Variants in VPS8 observed in about 807,000 individuals in gnomAD.
VPS8 encodes the protein vacuolar protein sorting-associated protein 8 homolog.
Under a neutral mutation model 216.4 loss-of-function variants are expected in VPS8, and 129 were observed. The observed-to-expected ratio is 0.60, with a 90% CI of 0.52 to 0.69. The LOEUF is 0.69. Ranked by LOEUF, VPS8 falls within the 30% of genes least tolerant of loss-of-function variation. The pLI is 0.00. For synonymous variants in VPS8, 571 were observed against 565.4 expected (o/e 1.01, Z -0.14); for missense variants, 1,531 against 1,683.5 (o/e 0.91, Z 1.59).
chr3:184,902,328 T>C (rs980924148), intron 25 of VPS8, among the ~76,000 whole-genome samples: 3 of 150,670 alleles, frequency 2.0e-5, no homozygotes, highest in African/African-American at 7.3e-5. Flanking sequence ...ATATAAAAAT[T>C]AGCCGGGTGT....
At chr3:184,985,740 C>T (rs986071596) in intron 42 of VPS8, among the ~76,000 whole-genome samples, 2 of 152,178 alleles carry the variant, frequency 1.3e-5, no homozygotes, top group African/African-American at 4.8e-5. Context: ...CTATAAGTCT[C>T]TCGTTAAGTC....
At chr3:184,837,272 A>G (rs939593785) in intron 5 of VPS8, among the ~76,000 whole-genome samples, 1 of 152,224 alleles carries the variant, frequency 6.6e-6, no homozygotes, top group African/African-American at 2.4e-5. Flanking sequence ...TCTATTTTGA[A>G]TATAGAACAG....
At chr3:184,882,307 T>C (rs1305927696) in intron 21 of VPS8, 1 of 436,872 alleles carries the variant, frequency 2.3e-6, no homozygotes, top group Admixed American at 2.6e-5. Context: ...TCAGTTGCTT[T>C]TTCTATGTAA....
intron 1 of VPS8, among the ~76,000 whole-genome samples, chr3:184,818,790 C>T (rs1349257828): frequency 2.6e-5 from 4 of 152,050 alleles, no homozygotes; most frequent in African/African-American, 9.7e-5. Flanking sequence ...TCTCATATGA[C>T]ACTTTTAGGA....
intron 46 of VPS8, among the ~76,000 whole-genome samples, chr3:185,040,969 A>G (rs1469583238): frequency 1.3e-5 from 2 of 152,160 alleles, no homozygotes; most frequent in Non-Finnish European, 2.9e-5. Context: ...TTGGGAGGCC[A>G]AGGCGGGCAG....
intron 44 of VPS8, among the ~76,000 whole-genome samples, chr3:184,998,981 A>C (rs1238946212): frequency 3.9e-5 from 6 of 151,948 alleles, no homozygotes; most frequent in Non-Finnish European, 8.8e-5. Context: ...TCCCAGGTTC[A>C]AGCGATTCTC....
chr3:184,851,663 A>G (rs979278531), intron 10 of VPS8, among the ~76,000 whole-genome samples: 1 of 152,146 alleles, frequency 6.6e-6, no homozygotes, highest in Non-Finnish European at 1.5e-5. Flanking sequence ...CGAGGCTGTA[A>G]GAGCAAAGTT....
At chr3:184,916,552 G>A (rs972229717) in intron 28 of VPS8, among the ~76,000 whole-genome samples, 5 of 151,964 alleles carry the variant, frequency 3.3e-5, no homozygotes, top group Admixed American at 1.3e-4. Context: ...TTTTAAAAAG[G>A]TAAGTACTCA....
At chr3:184,899,291 C>T (rs1233514374) in intron 24 of VPS8, among the ~76,000 whole-genome samples, 1 of 152,174 alleles carries the variant, frequency 6.6e-6, no homozygotes, top group African/African-American at 2.4e-5. Flanking sequence ...ATGTAGTGCC[C>T]TCCTAGCCCA....
chr3:184,941,949 A>T (rs1334192523), intron 36 of VPS8, among the ~76,000 whole-genome samples: 1 of 151,940 alleles, frequency 6.6e-6, no homozygotes, highest in Non-Finnish European at 1.5e-5. Context: ...TCTGTCAAAG[A>T]CCTAGTGTTC....
intron 1 of VPS8, among the ~76,000 whole-genome samples, chr3:184,821,579 G>A (rs1387027110): frequency 6.6e-6 from 1 of 151,946 alleles, no homozygotes; most frequent in Non-Finnish European, 1.5e-5. Flanking sequence ...TTGAACTCCT[G>A]AGCTCAGGAA....
intron 46 of VPS8, among the ~76,000 whole-genome samples, chr3:185,047,681 A>G (rs960455732): frequency 6.6e-6 from 1 of 152,174 alleles, no homozygotes; most frequent in African/African-American, 2.4e-5. Context: ...CTTTAAATAT[A>G]TATCTCATTT....
rs144262713 is a variant in VPS8, at chr3:184,886,211, T to C, written c.1781+55T>C. On this transcript the variant is annotated intron_variant, in intron 22 of 47. Coordinates refer to ENST00000625842, the MANE Select transcript of VPS8 (RefSeq NM_001009921.3). The stretch of plus-strand genomic sequence containing the variant: ...TATTTTGAACCCAGGTAGCCTCTTA[T>C]GTATAAGCCATTGCTAAGAATTCTA... 3.2e-4 allele frequency: 484 copies of C among 1,498,192 alleles called. No individual in the cohort carries two copies. The African/African-American group carries it at 5.6e-3, about 17-fold the overall frequency. 92.8% of individuals were successfully genotyped at this position (1,498,192 alleles called of 1,614,324 possible).
chr3:185,052,193 C>G lies in VPS8; in HGVS notation c.*168C>G. On this transcript the variant is annotated 3_prime_UTR_variant, in exon 48 of 48. Transcript: ENST00000625842. ...TCCACAGCACCATTCCCAGTGTAGA[C>G]TCCCAGTCTTCTCCACATTGCTGTC... 1.6e-6 allele frequency: 1 copy of G among 628,500 alleles called. No homozygotes were observed. The highest frequency in any genetic ancestry group is 2.4e-5 in the South Asian group (1 of 41,534). 38.9% of individuals were successfully genotyped at this position (628,500 alleles called of 1,614,324 possible).
intron 43 of VPS8, among the ~76,000 whole-genome samples, 158 bp downstream of exon 43, chr3:184,994,221 G>A (rs779338003): frequency 4.6e-5 from 7 of 151,804 alleles, no homozygotes; most frequent in South Asian, 2.1e-4. Flanking sequence ...TTTTTCTCTC[G>A]CCAGGCATGG....
intron 45 of VPS8, among the ~76,000 whole-genome samples, chr3:185,021,453 G>A (rs1173510053): frequency 6.6e-6 from 1 of 152,116 alleles, no homozygotes; most frequent in Non-Finnish European, 1.5e-5. Context: ...GTTTTTAAAA[G>A]TCTGCAGATT....
intron 45 of VPS8, among the ~76,000 whole-genome samples, chr3:185,009,264 T>G (rs1434506773): frequency 6.6e-6 from 1 of 152,242 alleles, no homozygotes; most frequent in Non-Finnish European, 1.5e-5. Context: ...TAAGAAATTC[T>G]GTTGTCCAAT....
chr3:185,005,665 A>G (rs995318591), intron 45 of VPS8, among the ~76,000 whole-genome samples: 5 of 150,636 alleles, frequency 3.3e-5, no homozygotes, highest in African/African-American at 1.2e-4. Flanking sequence ...TCTTGCAGCT[A>G]TTGTAAAAGG....
intron 21 of VPS8, among the ~76,000 whole-genome samples, chr3:184,873,539 A>C (rs1466428385): frequency 6.6e-6 from 1 of 152,126 alleles, no homozygotes; most frequent in African/African-American, 2.4e-5. Context: ...AGGCACAGAG[A>C]GGTTAAATTA....
Sources: allele counts gnomAD v4.1 joint callset (sites outside exome capture counted in the v4.1 genomes callset), GRCh38; gene constraint gnomAD v4.1.1; transcripts MANE v1.5; gene names NCBI Gene and HGNC (gene_info 2026-07-23, HGNC 2026-07-21).